Variants in LUZP1 observed in about 807,000 individuals in gnomAD.
The protein encoded by LUZP1 is leucine zipper protein 1.
In LUZP1, 25 loss-of-function variants were observed where a neutral mutation model predicts 71.3. The observed-to-expected ratio is 0.35, with a 90% confidence interval of 0.26 to 0.49. LUZP1 has a LOEUF of 0.49. LUZP1 is among the 20% of genes least tolerant of loss of function. The pLI, the probability that LUZP1 is intolerant of heterozygous loss-of-function variation, is 0.99. For missense variants in LUZP1, 1,142 were observed against 1,300.8 expected (o/e 0.88, Z 1.88); for synonymous variants, 481 against 506.4 (o/e 0.95, Z 0.67).
intron 1 of LUZP1, among the ~76,000 whole-genome samples, chr1:23,169,361 C>G (rs1165381109): frequency 6.6e-6 from 1 of 152,018 alleles, no homozygotes; most frequent in Non-Finnish European, 1.5e-5. Flanking sequence ...AAGAAAAAAG[C>G]GGGACACTCT....
chr1:23,131,861 T>C (rs1186325942), intron 2 of LUZP1, among the ~76,000 whole-genome samples: 2 of 152,186 alleles, frequency 1.3e-5, no homozygotes, highest in Non-Finnish European at 2.9e-5. Context: ...AATTTTTGTA[T>C]TTTTAGTAGA....
intron 2 of LUZP1, among the ~76,000 whole-genome samples, chr1:23,127,812 C>A (rs1001929063): frequency 6.6e-6 from 1 of 151,888 alleles, no homozygotes; most frequent in African/African-American, 2.4e-5. Context: ...CGTGAGCCAC[C>A]GCACCAGGCC....
At chr1:23,091,073 G>A (rs1643844309) in intron 4 of LUZP1, 117 bp downstream of exon 3, 2 of 1,097,516 alleles carry the variant, frequency 1.8e-6, no homozygotes, top group African/African-American at 1.6e-5. Context: ...AAGGAACCCA[G>A]TTCTACTCAG....
chr1:23,099,805 C>T (rs1165411043), intron 3 of LUZP1, among the ~76,000 whole-genome samples: 1 of 152,096 alleles, frequency 6.6e-6, no homozygotes, highest in Non-Finnish European at 1.5e-5. Flanking sequence ...TATTACACAC[C>T]ACTGCTTAAA....
intron 2 of LUZP1, among the ~76,000 whole-genome samples, chr1:23,148,516 C>A (rs1247232584): frequency 6.6e-6 from 1 of 152,182 alleles, no homozygotes. Flanking sequence ...CTTTCTGAAA[C>A]TGGGCAACTT....
chr1:23,144,016 T>C (rs1644324615), intron 2 of LUZP1, among the ~76,000 whole-genome samples: 1 of 152,226 alleles, frequency 6.6e-6, no homozygotes, highest in Admixed American at 6.5e-5. Context: ...TGTTATACTC[T>C]CTGCATTTCC....
At chr1:23,099,480 A>AC (rs56087807) in intron 3 of LUZP1, among the ~76,000 whole-genome samples, 113,784 of 152,106 alleles carry the variant, frequency 0.75, 43,480 homozygotes, top group Non-Finnish European at 0.83. Context: ...GTTAAAGAAA[A>AC]CCCAGCTTAT....
chr1:23,108,646 C>T (rs1369207943), intron 3 of LUZP1, among the ~76,000 whole-genome samples: 1 of 152,166 alleles, frequency 6.6e-6, no homozygotes, highest in Non-Finnish European at 1.5e-5. Flanking sequence ...CCTAGTTCTA[C>T]TACTTGTGTG....
intron 2 of LUZP1, among the ~76,000 whole-genome samples, chr1:23,164,252 T>C (rs1247528563): frequency 6.6e-6 from 1 of 152,032 alleles, no homozygotes; most frequent in East Asian, 1.9e-4. Flanking sequence ...TCCCAGCACT[T>C]TGGGAGGCCG....
chr1:23,170,082 C>T (rs147410037), intron 1 of LUZP1, among the ~76,000 whole-genome samples: 278 of 152,308 alleles, frequency 1.8e-3, no homozygotes, highest in Admixed American at 3.5e-3. Context: ...TGCTGTCTCA[C>T]CTCCCAGCTT....
At position 23,113,843 on chromosome 1, in the gene LUZP1, G is replaced by T. The variant is rs147585655; in HGVS notation, c.-225-4716C>A. Among the ~76,000 whole-genome samples, 1,212 of 150,658 alleles carry T rather than the reference G, an allele frequency of 8.0e-3. 14 individuals carry two copies. The highest frequency in any genetic ancestry group is 0.028 in the African/African-American group (1,162 of 40,890). ...TGCAGTGAGCCGAGATTCAGCTACT[G>T]CACTCCAGCCTGGCGACAGAACGAG... On this transcript the variant is annotated intron_variant, in intron 2 of 4. Coordinates refer to ENST00000302291, the Ensembl canonical transcript of LUZP1.
intron 2 of LUZP1, among the ~76,000 whole-genome samples, chr1:23,117,483 C>G (rs1557653797): frequency 2.6e-4 from 18 of 69,176 alleles, no homozygotes; most frequent in African/African-American, 1.4e-4. Flanking sequence ...CTCTCCCCCC[C>G]CCCCCCCCAC....
intron 3 of LUZP1, among the ~76,000 whole-genome samples, chr1:23,099,699 C>T (rs1341844718): frequency 6.6e-6 from 1 of 152,164 alleles, no homozygotes; most frequent in Non-Finnish European, 1.5e-5. Flanking sequence ...TTTATCAAGA[C>T]TCTGGATGAT....
intron 3 of LUZP1, among the ~76,000 whole-genome samples, chr1:23,097,036 G>A (rs1351730537): frequency 6.6e-6 from 1 of 152,154 alleles, no homozygotes; most frequent in African/African-American, 2.4e-5. Flanking sequence ...CAAGGCACCA[G>A]CAGGTTTAGT....
chr1:23,098,338 G>A (rs550103793), intron 3 of LUZP1, among the ~76,000 whole-genome samples: 7 of 152,312 alleles, frequency 4.6e-5, no homozygotes, highest in African/African-American at 1.4e-4. Flanking sequence ...GGTACCAGAG[G>A]AAACTAAGCC....
intron 2 of LUZP1, among the ~76,000 whole-genome samples, chr1:23,166,452 C>T (rs1267613279): frequency 3.3e-5 from 5 of 151,820 alleles, no homozygotes; most frequent in Admixed American, 2.6e-4. Flanking sequence ...GTCAGGAGTT[C>T]GAAACCAACC....
At chr1:23,102,004 C>T (rs1041773929) in intron 3 of LUZP1, among the ~76,000 whole-genome samples, 7 of 152,044 alleles carry the variant, frequency 4.6e-5, no homozygotes, top group Admixed American at 2.6e-4. Context: ...AGATAGCACC[C>T]ACCCTTTTGC....
At chr1:23,173,453 G>A (rs766348002) in intron 1 of LUZP1, among the ~76,000 whole-genome samples, 4 of 145,306 alleles carry the variant, frequency 2.8e-5, no homozygotes, top group African/African-American at 7.7e-5. Context: ...TCCCAGGCTC[G>A]AGTAATCCTC....
chr1:23,112,024 T>C (rs1404318470), intron 2 of LUZP1, among the ~76,000 whole-genome samples: 2 of 152,174 alleles, frequency 1.3e-5, no homozygotes, highest in Non-Finnish European at 2.9e-5. Context: ...CCAGGGGCTT[T>C]TCTCTTCAAA....
Sources: gnomAD v4.1 joint callset for allele counts (sites outside exome capture counted in the v4.1 genomes callset) on GRCh38, gnomAD v4.1.1 for gene constraint, MANE v1.5 for transcripts, NCBI Gene and HGNC (gene_info 2026-07-23, HGNC 2026-07-21) for gene names.